The following MSANTD1 variants were observed in gnomAD, a reference collection of about 807,000 sequenced individuals.
The protein encoded by MSANTD1 is Myb/SANT DNA binding domain containing 1.
MSANTD1 carries 7 observed loss-of-function variants against 24.2 expected under a neutral mutation model. The observed-to-expected ratio is 0.29, with a 90% CI of 0.16 to 0.54. The LOEUF (loss-of-function observed/expected upper bound fraction) is 0.54. MSANTD1 is among the 20% of genes least tolerant of loss of function. The pLI, the probability that MSANTD1 is intolerant of heterozygous loss-of-function variation, is 0.94. For missense variants in MSANTD1, 384 were observed against 408.2 expected (o/e 0.94, Z 0.51); for synonymous variants, 177 against 181.1 (o/e 0.98, Z 0.18).
chr4:3,255,424 A>G (rs1189259203), intron 2 of MSANTD1, among the ~76,000 whole-genome samples: 2 of 151,984 alleles, frequency 1.3e-5, no homozygotes, highest in African/African-American at 2.4e-5. Flanking sequence ...GGGTTTCACC[A>G]TGTTGGCCAG....
chr4:3,249,455 T>C lies in MSANTD1; in HGVS notation c.233T>C (p.Met78Thr). 6.2e-7 allele frequency: 1 copy of C among 1,611,526 alleles called. No individual in the cohort carries two copies. The highest frequency in any genetic ancestry group is 1.1e-5 in the South Asian group (1 of 90,460). ...TKRNAKVYEK[M>T]ASKLFEMTGE... The stretch of plus-strand genomic sequence containing the variant: ...CGCAACGCCAAGGTGTACGAGAAGA[T>C]GGCCAGCAAGCTCTTCGAGATGACC... Residue 78 changes from methionine to threonine, a missense_variant, in exon 1 of 3, where the codon ATG becomes ACG. Transcript: ENST00000438480.
upstream of MSANTD1, chr4:3,249,010 T>C: frequency 2.4e-6 from 1 of 424,108 alleles, no homozygotes; most frequent in Non-Finnish European, 4.0e-6. Context: ...GCCGCAATAT[T>C]GATGGCCCGT....
chr4:3,254,699 C>T (rs991223381), intron 2 of MSANTD1, among the ~76,000 whole-genome samples: 3 of 152,294 alleles, frequency 2.0e-5, no homozygotes, highest in South Asian at 2.1e-4. Context: ...TCTCAGGAGG[C>T]GCCCACAGGG....
At chr4:3,253,627 C>A in intron 2 of MSANTD1, 145 bp downstream of exon 2, 1 of 814,662 alleles carries the variant, frequency 1.2e-6, no homozygotes, top group African/African-American at 1.8e-5. Context: ...CAGGGACAGG[C>A]GGCCTCAGAC....
rs899153737 is a variant in MSANTD1, at chr4:3,255,819, C to T, written c.691C>T (p.Arg231Cys). 3.2e-6 allele frequency: 5 copies of T among 1,546,100 alleles called. No homozygotes were observed. The highest frequency in any genetic ancestry group is 1.4e-5 in the African/African-American group (1 of 72,996). ...RLLEAMVEEQRRLSRAVEETC... is the reference protein window; with the variant it reads ...RLLEAMVEEQCRLSRAVEETC... Reference sequence around the variant, plus strand: ...GCTGGAGGCCATGGTGGAGGAGCAGCGCCGGCTGAGCCGCGCCGTGGAGGA... The same window carrying T: ...GCTGGAGGCCATGGTGGAGGAGCAGTGCCGGCTGAGCCGCGCCGTGGAGGA... Residue 231 changes from arginine (R) to cysteine (C), a missense_variant, in exon 3 of 3, where the codon CGC (arginine) becomes TGC (cysteine). Physicochemically the swap from Arg to Cys is radical, Grantham distance 180. Coordinates refer to ENST00000438480, the MANE Select transcript of MSANTD1 (RefSeq NM_001042690.2).
chr4:3,253,253 C>G lies in MSANTD1; in HGVS notation c.367C>G (p.Pro123Ala). The change falls in exon 2 of 3, where the codon CCC becomes GCC. Residue 123 changes from proline (P) to alanine (A), a missense_variant. Pro to Ala is a conservative substitution (Grantham distance 27). Coordinates refer to ENST00000438480, the MANE Select transcript of MSANTD1 (RefSeq NM_001042690.2). ...TDSESAPPDW[P>A]YYLAIDGILA... ...TAGCGAGTCCGCCCCGCCCGACTGG[C>G]CCTATTACCTAGCCATTGATGGGAT... 6.2e-7 allele frequency: 1 copy of G among 1,600,512 alleles called. No homozygotes were observed. Among genetic ancestry groups the G allele is most frequent in the Non-Finnish European group, 8.5e-7 (1 of 1,171,506 alleles).
At chr4:3,252,183 G>A (rs1490447244) in intron 1 of MSANTD1, among the ~76,000 whole-genome samples, 1 of 152,210 alleles carries the variant, frequency 6.6e-6, no homozygotes, top group Non-Finnish European at 1.5e-5. Flanking sequence ...GCCTTAGGAG[G>A]TACTGGGTCC....
chr4:3,246,363 C>G (rs776201939), upstream of MSANTD1, among the ~76,000 whole-genome samples: 2 of 152,242 alleles, frequency 1.3e-5, no homozygotes, highest in Non-Finnish European at 2.9e-5. Flanking sequence ...CTGCTGCCCC[C>G]ACCCTTGGTC....
In MSANTD1 at chr4:3,253,376, G is replaced by A. The variant is rs533585710; in HGVS notation, c.490G>A (p.Ala164Thr). Reference protein sequence around the residue: ...SQTEASLSPPAKSTPLYFPYN... With the variant: ...SQTEASLSPPTKSTPLYFPYN... ...GACCGAGGCGTCCCTGTCGCCGCCC[G>A]CTAAGTCCACCCCTCTGTACTTCCC... Residue 164 changes from alanine to threonine, a missense_variant, in exon 2 of 3, where the codon GCT (alanine) becomes ACT (threonine). Transcript: ENST00000438480. The A allele has an allele frequency of 5.8e-5, 94 of 1,610,816 alleles. No individual in the cohort carries two copies. Among genetic ancestry groups the A allele is most frequent in the African/African-American group, 9.3e-5 (7 of 75,028 alleles).
At chr4:3,252,714 C>T (rs1015893627) in intron 1 of MSANTD1, among the ~76,000 whole-genome samples, 3 of 152,236 alleles carry the variant, frequency 2.0e-5, no homozygotes, top group South Asian at 2.1e-4. Flanking sequence ...TGTGCTCTAA[C>T]GCCAGTGGCT....
intron 2 of MSANTD1, among the ~76,000 whole-genome samples, chr4:3,255,082 T>C (rs1578636716): frequency 6.6e-6 from 1 of 152,082 alleles, no homozygotes; most frequent in Non-Finnish European, 1.5e-5. Flanking sequence ...GGGTGAAGGG[T>C]GCTCCCTGGC....
intron 1 of MSANTD1, among the ~76,000 whole-genome samples, chr4:3,249,791 T>TGA (rs1722164151): frequency 6.6e-6 from 1 of 152,162 alleles, no homozygotes; most frequent in African/African-American, 2.4e-5. Context: ...GTCTAAGAGC[T>TGA]GAGGGGTAGC....
upstream of MSANTD1, chr4:3,248,801 T>G: frequency 6.2e-6 from 1 of 160,268 alleles, no homozygotes; most frequent in Non-Finnish European, 1.4e-5. Flanking sequence ...GTGGCCAGCG[T>G]TGGGGGACTC....
At chr4:3,250,187 G>A (rs1217958382) in intron 1 of MSANTD1, among the ~76,000 whole-genome samples, 2 of 152,216 alleles carry the variant, frequency 1.3e-5, no homozygotes, top group East Asian at 1.9e-4. Flanking sequence ...TGGGGCTTAC[G>A]GTGCGAAGAA....
intron 1 of MSANTD1, among the ~76,000 whole-genome samples, chr4:3,251,499 G>A (rs778413848): frequency 1.1e-4 from 17 of 152,204 alleles, no homozygotes; most frequent in Non-Finnish European, 2.2e-4. Context: ...CTTCCACACC[G>A]CAGCCCCTCA....
rs1344086417 is a variant in MSANTD1, at chr4:3,249,368, C to T, written c.146C>T (p.Ala49Val). 2 of 1,566,712 alleles carry T rather than the reference C, an allele frequency of 1.3e-6. No individual in the cohort carries two copies. Among genetic ancestry groups the T allele is most frequent in the Non-Finnish European group, 8.6e-7 (1 of 1,156,154 alleles). The change falls in exon 1 of 3, where the codon GCC (alanine) becomes GTC (valine). Residue 49 changes from alanine (A) to valine (V), a missense_variant. Transcript: ENST00000438480. ...CGGCGGGCCCGCAACTGGACGGACG[C>T]CGAGATGCGCGGCCTCATGCTGGTC... ...KHRRARNWTD[A>V]EMRGLMLVWE...
intron 1 of MSANTD1, among the ~76,000 whole-genome samples, chr4:3,251,116 C>T (rs560773476): frequency 1.3e-5 from 2 of 152,236 alleles, no homozygotes; most frequent in Non-Finnish European, 2.9e-5. Flanking sequence ...GCCTGGGTAT[C>T]TTCAGAGGTT....
chr4:3,248,401 C>G (rs950598909), upstream of MSANTD1: 4 of 152,926 alleles, frequency 2.6e-5, no homozygotes, highest in Non-Finnish European at 4.4e-5. Flanking sequence ...GTGGCTCTTC[C>G]CAGGAGTGCC....
At chr4:3,244,313 A>G (rs1327988256), upstream of MSANTD1, 1 of 152,404 alleles carries the variant, frequency 6.6e-6, no homozygotes, top group African/African-American at 2.4e-5. Flanking sequence ...CTTATATGAC[A>G]TACACAAGCC....
Sources: allele counts gnomAD v4.1 joint callset (sites outside exome capture counted in the v4.1 genomes callset), GRCh38; gene constraint gnomAD v4.1.1; transcripts MANE v1.5; gene names NCBI Gene and HGNC (gene_info 2026-07-23, HGNC 2026-07-21).